Variants in INO80 observed in about 807,000 individuals in gnomAD.
INO80 encodes the protein INO80 complex ATPase subunit.
In INO80, 20 loss-of-function variants were observed where a neutral mutation model predicts 203.4. The observed-to-expected ratio is 0.10, with a 90% CI of 0.07 to 0.14. INO80 has a LOEUF of 0.14. Among genes scored for constraint, INO80 ranks in the 10% least tolerant of loss-of-function variants. The pLI, the probability that INO80 is intolerant of heterozygous loss-of-function variation, is 1.00. For missense variants in INO80, 1,419 were observed against 1,914.4 expected (o/e 0.74, Z 4.83); for synonymous variants, 726 against 685.2 (o/e 1.06, Z -0.93).
chr15:41,023,715 G>A (rs2044329587), intron 25 of INO80, among the ~76,000 whole-genome samples: 1 of 133,012 alleles, frequency 7.5e-6, no homozygotes, highest in Admixed American at 8.8e-5. Flanking sequence ...GTTACAGTGA[G>A]CTGAGATTGC....
intron 29 of INO80, among the ~76,000 whole-genome samples, chr15:40,990,522 G>A (rs1383492322): frequency 6.6e-6 from 1 of 152,064 alleles, no homozygotes; most frequent in African/African-American, 2.4e-5. Context: ...CACTGCACCT[G>A]GCCAAAATGG....
In INO80 at chr15:41,072,588, GC is replaced by G. The variant is rs2045339891; in HGVS notation, c.1396-531del. Among the ~76,000 whole-genome samples, 3 of 146,330 alleles carry G rather than the reference GC, an allele frequency of 2.1e-5. No homozygotes were observed. In the Admixed American group the frequency reaches 2.1e-4, roughly 10 times the overall value. On this transcript the variant is annotated intron_variant, in intron 11 of 35. Coordinates refer to ENST00000648947, the MANE Select transcript of INO80 (RefSeq NM_017553.3). ...AAAAAAATTAGCTGGGTGTGGTGGT[GC>G]GCACCTGTAGTCCCAGCTACTCAGG...
chr15:41,001,744 T>G (rs1156670406), intron 28 of INO80, among the ~76,000 whole-genome samples: 1 of 152,222 alleles, frequency 6.6e-6, no homozygotes, highest in East Asian at 1.9e-4. Flanking sequence ...CCTGGAAGGA[T>G]CCTTCATAAA....
chr15:41,083,233 C>T (rs1189929662), intron 7 of INO80, among the ~76,000 whole-genome samples: 2 of 142,022 alleles, frequency 1.4e-5, no homozygotes, highest in African/African-American at 5.3e-5. Context: ...TGCAGTGAGC[C>T]GAGATCGCAC....
chr15:41,088,122 T>C (rs1195109281), intron 5 of INO80, among the ~76,000 whole-genome samples: 43 of 147,804 alleles, frequency 2.9e-4, no homozygotes, highest in Admixed American at 2.6e-3. Context: ...GACAGAGTCT[T>C]GCTCTGTCGC....
chr15:41,042,015 A>AT (rs59485772), intron 24 of INO80, among the ~76,000 whole-genome samples: 68,138 of 133,910 alleles, frequency 0.51, 18,066 homozygotes, highest in African/African-American at 0.69. Flanking sequence ...TTAATTTTTA[A>AT]TTTTTTTTTT....
intron 1 of INO80, among the ~76,000 whole-genome samples, chr15:41,104,959 T>C (rs2045862299): frequency 6.6e-6 from 1 of 152,202 alleles, no homozygotes; most frequent in South Asian, 2.1e-4. Context: ...TTAACCAGTG[T>C]GGGTAGTAAC....
rs189217309 is a variant in INO80, at chr15:41,069,872, C to T, written c.1687-207G>A. ...CACCTGAGAAAAAAATGGCAAGCAA[C>T]TATTCCCTCTTCTGACCTCTTATAG... On this transcript the variant is annotated intron_variant, in intron 13 of 35. Coordinates refer to ENST00000648947, the MANE Select transcript of INO80 (RefSeq NM_017553.3). 6.1e-3 allele frequency among the ~76,000 whole-genome samples: 922 copies of T among 152,322 alleles called. 7 individuals carry two copies. The highest frequency in any genetic ancestry group is 0.027 in the Middle Eastern group (8 of 294).
At chr15:41,091,546 T>C (rs2045641710) in intron 5 of INO80, among the ~76,000 whole-genome samples, 1 of 151,932 alleles carries the variant, frequency 6.6e-6, no homozygotes, top group Non-Finnish European at 1.5e-5. Flanking sequence ...CCAGGCCCAG[T>C]GTGTCTTGTT....
intron 6 of INO80, among the ~76,000 whole-genome samples, chr15:41,086,937 T>C (rs2140642673): frequency 6.6e-6 from 1 of 152,296 alleles, no homozygotes; most frequent in South Asian, 2.1e-4. Context: ...CCCAGAACAT[T>C]TGCAATATTT....
chr15:41,110,918 T>C (rs1010507066), intron 1 of INO80, among the ~76,000 whole-genome samples: 2 of 152,206 alleles, frequency 1.3e-5, no homozygotes, highest in African/African-American at 4.8e-5. Context: ...CATATTTAAA[T>C]ACTGGCAAAA....
chr15:41,045,171 T>G (rs2044734160), intron 23 of INO80, 96 bp from the exon 24 acceptor site: 4 of 881,024 alleles, frequency 4.5e-6, no homozygotes, highest in African/African-American at 1.7e-5. Context: ...AACATAACTC[T>G]TTTGTAAATC....
At chr15:41,057,617 C>T (rs942480032) in intron 16 of INO80, among the ~76,000 whole-genome samples, 5 of 151,462 alleles carry the variant, frequency 3.3e-5, no homozygotes, top group African/African-American at 4.9e-5. Context: ...GCCACCATGG[C>T]AAAACCCCAT....
At chr15:41,082,294 T>TACTG (rs2045497553) in intron 7 of INO80, among the ~76,000 whole-genome samples, 1 of 148,466 alleles carries the variant, frequency 6.7e-6, no homozygotes, top group Non-Finnish European at 1.5e-5. Flanking sequence ...CCAGGCGCAG[T>TACTG]GGCTTACACC....
In INO80 at chr15:41,074,416, G is replaced by C. The variant is rs574924831; in HGVS notation, c.1281C>G (p.Ile427Met). 1 of 1,613,680 alleles carries C rather than the reference G, an allele frequency of 6.2e-7. No individual in the cohort carries two copies. The highest frequency in any genetic ancestry group is 1.7e-5 in the Admixed American group (1 of 59,952). Residue 427 changes from isoleucine to methionine, a missense_variant, in exon 10 of 36, where the codon ATC (isoleucine) becomes ATG (methionine). Physicochemically the swap from Ile to Met is conservative, Grantham distance 10. This residue lies in a region of INO80 where 116 missense variants were observed against 119.5 expected (regional missense o/e 0.97). Transcript: ENST00000648947. ...TAACTACCACTCCTCCACCTATATC[G>C]ATTTGTCTCTGGGTAGAACTGTCTT... is the stretch of plus-strand genomic sequence containing the variant. ...KLEDSSTQRQ[I>M]DIGGGVVVNI...
At chr15:41,007,475 G>C (rs1049989632) in intron 27 of INO80, among the ~76,000 whole-genome samples, 4 of 152,034 alleles carry the variant, frequency 2.6e-5, no homozygotes, top group Non-Finnish European at 4.4e-5. Context: ...GACCCACTGA[G>C]CCAAGCCTGA....
chr15:41,048,166 G>C (rs1040256153), intron 22 of INO80, 46 bp downstream of exon 22: 1 of 1,447,054 alleles, frequency 6.9e-7, no homozygotes, highest in Non-Finnish European at 9.7e-7. Flanking sequence ...AGAGCATCCT[G>C]GTAAAACCCT....
In INO80 at chr15:41,049,843, G is replaced by A. The variant is rs1044712361; in HGVS notation, c.2442+92C>T. Reference sequence around the variant, plus strand: ...AGAGGTTGCAGTGAGCCGAAATCACGCCATTGCACTCCAGCCTGGGCAACA... The same window carrying A: ...AGAGGTTGCAGTGAGCCGAAATCACACCATTGCACTCCAGCCTGGGCAACA... On this transcript the variant is annotated intron_variant, in intron 20 of 35. Transcript: ENST00000648947. 5.3e-5 allele frequency: 62 copies of A among 1,166,108 alleles called. No homozygotes were observed. The South Asian group carries it at 8.3e-4, about 16-fold the overall frequency. The allele number at this position is 1,166,108 out of a possible 1,614,324, so 72.2% of individuals were successfully genotyped here. A position where few individuals can be genotyped will look rare whatever the true frequency, so the allele number is the denominator to read the frequency against.
At chr15:41,078,750 A>AC (rs35509100) in intron 9 of INO80, among the ~76,000 whole-genome samples, 82,977 of 151,866 alleles carry the variant, frequency 0.55, 24,359 homozygotes, top group African/African-American at 0.77. Flanking sequence ...CAATACAATG[A>AC]TTTGCCTTCT....
Sources: gnomAD v4.1 joint callset for allele counts (sites outside exome capture counted in the v4.1 genomes callset) on GRCh38, gnomAD v4.1.1 for gene constraint, gnomAD v4.1.1 regional missense constraint, MANE v1.5 for transcripts, NCBI Gene and HGNC (gene_info 2026-07-23, HGNC 2026-07-21) for gene names.